The following CSMD1 variants were observed in gnomAD, a reference collection of about 807,000 sequenced individuals.
CSMD1 encodes the protein CUB and sushi domain-containing protein 1.
CSMD1 carries 213 observed loss-of-function variants against 417.5 expected under a neutral mutation model. The observed-to-expected ratio is 0.51, with a 90% CI of 0.46 to 0.57. CSMD1 has a LOEUF of 0.57. CSMD1 is among the 20% of genes least tolerant of loss of function. The pLI is 0.00. For synonymous variants in CSMD1, 2,862 were observed against 1,736.8 expected (o/e 1.65, Z -16.11); for missense variants, 6,923 against 4,529.7 (o/e 1.53, Z -15.17).
chr8:3,609,116 C>A (rs1199447919), intron 8 of CSMD1, among the ~76,000 whole-genome samples: 1 of 152,184 alleles, frequency 6.6e-6, no homozygotes. Flanking sequence ...GGATCCAGCT[C>A]TGACTCTGAC....
At chr8:3,803,517 C>A (rs1454909554) in intron 5 of CSMD1, among the ~76,000 whole-genome samples, 2 of 152,110 alleles carry the variant, frequency 1.3e-5, no homozygotes, top group African/African-American at 4.8e-5. Context: ...CACAGAAAAC[C>A]CAGGGGCTGG....
chr8:4,525,985 T>G (rs1326661127), intron 2 of CSMD1, among the ~76,000 whole-genome samples: 1 of 152,084 alleles, frequency 6.6e-6, no homozygotes, highest in Non-Finnish European at 1.5e-5. Context: ...GCCCGTTGCT[T>G]CCAGAAAACA....
At chr8:3,493,199 C>A (rs1174105802) in intron 11 of CSMD1, among the ~76,000 whole-genome samples, 1 of 147,980 alleles carries the variant, frequency 6.8e-6, no homozygotes, top group African/African-American at 2.5e-5. Context: ...GAGGGTGAGG[C>A]AGGTGAATTG....
intron 3 of CSMD1, among the ~76,000 whole-genome samples, chr8:4,186,946 C>T (rs1403692178): frequency 1.3e-5 from 2 of 151,968 alleles, no homozygotes; most frequent in African/African-American, 4.8e-5. Flanking sequence ...CAGTGAGCTG[C>T]ACTCTAGCCT....
At chr8:4,069,466 G>T (rs1225882493) in intron 3 of CSMD1, among the ~76,000 whole-genome samples, 2 of 152,228 alleles carry the variant, frequency 1.3e-5, no homozygotes, top group African/African-American at 4.8e-5. Flanking sequence ...TCTTTCGCAG[G>T]ATATTATCTC....
In CSMD1 at chr8:4,672,876, T is replaced by C. The variant is rs115643198; in HGVS notation, c.86-35318A>G. Among the ~76,000 whole-genome samples, 600 of 152,088 alleles carry C rather than the reference T, an allele frequency of 3.9e-3. 3 individuals are homozygous for C. The highest frequency in any genetic ancestry group is 0.014 in the African/African-American group (579 of 41,486). ...ACATATGCATGCATACATGGTAACA[T>C]GGAGCACACCGAAACATGAGACAAC... On this transcript the variant is annotated intron_variant, in intron 1 of 69. Transcript: ENST00000635120.
At chr8:3,628,894 G>T (rs1225444597) in intron 7 of CSMD1, among the ~76,000 whole-genome samples, 1 of 151,238 alleles carries the variant, frequency 6.6e-6, no homozygotes, top group African/African-American at 2.4e-5. Context: ...TATTCAAAAC[G>T]AAGACAGGCA....
chr8:4,504,987 G>C (rs1046595872), intron 2 of CSMD1, among the ~76,000 whole-genome samples: 1 of 152,190 alleles, frequency 6.6e-6, no homozygotes, highest in African/African-American at 2.4e-5. Context: ...TAATCCTTTG[G>C]GTATATACCC....
chr8:3,833,930 A>T (rs554400235), intron 5 of CSMD1, among the ~76,000 whole-genome samples: 39 of 152,222 alleles, frequency 2.6e-4, no homozygotes, highest in South Asian at 1.5e-3. Context: ...TTTATGTATT[A>T]TTGGTTGGTT....
At chr8:3,396,655 T>G (rs563170701) in intron 16 of CSMD1, among the ~76,000 whole-genome samples, 10 of 152,272 alleles carry the variant, frequency 6.6e-5, no homozygotes, top group African/African-American at 1.9e-4. Flanking sequence ...TAAACAAAAA[T>G]ACTATGAACC....
rs549017128 is a variant in CSMD1 at position 4,747,618 on chromosome 8, G to C, written c.86-110060C>G. Reference sequence around the variant, plus strand: ...ATGTTGTGCTTCTCTCTTTATTCTGGAGTTAGCATCATTATCAACCTTCTG... The same window carrying C: ...ATGTTGTGCTTCTCTCTTTATTCTGCAGTTAGCATCATTATCAACCTTCTG... On this transcript the variant is annotated intron_variant, in intron 1 of 69. Coordinates refer to ENST00000635120, the MANE Select transcript of CSMD1 (RefSeq NM_033225.6). Among the ~76,000 whole-genome samples, 7 of 152,204 alleles carry C rather than the reference G, an allele frequency of 4.6e-5. No homozygotes were observed. The South Asian group carries it at 6.2e-4, about 14-fold the overall frequency.
chr8:4,621,060 C>T (rs567479974), intron 2 of CSMD1, among the ~76,000 whole-genome samples: 18 of 152,066 alleles, frequency 1.2e-4, no homozygotes, highest in African/African-American at 4.3e-4. Context: ...ATTCGTCAGA[C>T]CTGAAGTGGA....
chr8:4,224,231 T>C (rs11780284), intron 3 of CSMD1, among the ~76,000 whole-genome samples: 88,763 of 125,550 alleles, frequency 0.71, 26,399 homozygotes, highest in Non-Finnish European at 0.73. Context: ...AAGGCCTTTT[T>C]CAGAAAAAAA....
intron 5 of CSMD1, among the ~76,000 whole-genome samples, chr8:3,900,361 G>C (rs1807656997): frequency 6.6e-6 from 1 of 151,212 alleles, no homozygotes; most frequent in Non-Finnish European, 1.5e-5. Context: ...CTGGTTGACA[G>C]CACAGCTGTG....
chr8:4,400,876 G>A (rs867769742), intron 3 of CSMD1, among the ~76,000 whole-genome samples: 2 of 151,290 alleles, frequency 1.3e-5, no homozygotes, highest in East Asian at 1.9e-4. Flanking sequence ...AACTCAACAT[G>A]GATTTACCAG....
At chr8:4,235,777 C>G (rs918730018) in intron 3 of CSMD1, among the ~76,000 whole-genome samples, 3 of 152,116 alleles carry the variant, frequency 2.0e-5, no homozygotes, top group African/African-American at 7.2e-5. Flanking sequence ...GACCCCTAGT[C>G]TTTTTCTTTT....
intron 3 of CSMD1, among the ~76,000 whole-genome samples, chr8:4,032,421 T>A (rs191430284): frequency 4.1e-4 from 62 of 149,584 alleles, no homozygotes; most frequent in Non-Finnish European, 8.0e-4. Context: ...CTTACTCCTA[T>A]AGTGAGCAAC....
At chr8:3,604,845 G>A (rs900049836) in intron 8 of CSMD1, among the ~76,000 whole-genome samples, 4 of 152,248 alleles carry the variant, frequency 2.6e-5, no homozygotes, top group Non-Finnish European at 2.9e-5. Context: ...AACAGTGAGA[G>A]TTATCTAGGG....
At chr8:4,754,807 C>G (rs1563300586) in intron 1 of CSMD1, among the ~76,000 whole-genome samples, 1 of 152,046 alleles carries the variant, frequency 6.6e-6, no homozygotes, top group Non-Finnish European at 1.5e-5. Context: ...CGAGATCGCA[C>G]CACTGCACTC....
Sources: gnomAD v4.1 joint callset for allele counts (sites outside exome capture counted in the v4.1 genomes callset) on GRCh38, gnomAD v4.1.1 for gene constraint, MANE v1.5 for transcripts, NCBI Gene and HGNC (gene_info 2026-07-23, HGNC 2026-07-21) for gene names.